TRIM2: variants seen among roughly 807,000 people sequenced by gnomAD.
The protein encoded by TRIM2 is tripartite motif-containing protein 2.
TRIM2 carries 20 observed loss-of-function variants against 75.2 expected under a neutral mutation model. The ratio of observed to expected loss-of-function variants is 0.27; its 90% CI spans 0.19 to 0.39. The LOEUF is 0.39. Ranked by LOEUF, TRIM2 falls within the 10% of genes least tolerant of loss-of-function variation. TRIM2 has a pLI of 1.00. For synonymous variants in TRIM2, 373 were observed against 388.3 expected (o/e 0.96, Z 0.46); for missense variants, 660 against 990.8 (o/e 0.67, Z 4.48).
intron 1 of TRIM2, among the ~76,000 whole-genome samples, chr4:153,226,519 A>C (rs1391431617): frequency 1.3e-5 from 2 of 152,248 alleles, no homozygotes; most frequent in African/African-American, 4.8e-5. Flanking sequence ...TTGAGAGATG[A>C]ATACCCTTTT....
chr4:153,256,289 TACCACCAA>T (rs1189725403), intron 1 of TRIM2, among the ~76,000 whole-genome samples: 1 of 152,206 alleles, frequency 6.6e-6, no homozygotes, highest in East Asian at 1.9e-4. Flanking sequence ...CTCCTCCTAC[TACCACCAA>T]AGGTAATCAC....
At chr4:153,212,305 A>G (rs909803446) in intron 1 of TRIM2, among the ~76,000 whole-genome samples, 1 of 152,186 alleles carries the variant, frequency 6.6e-6, no homozygotes, top group African/African-American at 2.4e-5. Context: ...CAAAAACTGC[A>G]TGTTCTCAGT....
chr4:153,274,892 G>A (rs1757681549), intron 2 of TRIM2, among the ~76,000 whole-genome samples: 1 of 152,186 alleles, frequency 6.6e-6, no homozygotes, highest in African/African-American at 2.4e-5. Flanking sequence ...TCTGGTATTG[G>A]TTCAGGGCTA....
chr4:153,245,227 T>G (rs1199792279), intron 1 of TRIM2, among the ~76,000 whole-genome samples: 1 of 152,286 alleles, frequency 6.6e-6, no homozygotes, highest in African/African-American at 2.4e-5. Flanking sequence ...TGGTAAGTTC[T>G]GTTTACTTAC....
chr4:153,166,514 T>A (rs1414746200), intron 1 of TRIM2, among the ~76,000 whole-genome samples: 3 of 65,322 alleles, frequency 4.6e-5, no homozygotes, highest in Admixed American at 3.9e-4. Context: ...CCTCTTTTCT[T>A]TTCCTTCCTT....
intron 1 of TRIM2, among the ~76,000 whole-genome samples, chr4:153,254,331 G>A (rs941288940): frequency 1.3e-5 from 2 of 152,170 alleles, no homozygotes; most frequent in African/African-American, 2.4e-5. Context: ...CATAGGCACT[G>A]TCTGTATACT....
At chr4:153,234,658 C>T (rs1184462670) in intron 1 of TRIM2, among the ~76,000 whole-genome samples, 6 of 152,186 alleles carry the variant, frequency 3.9e-5, no homozygotes, top group Non-Finnish European at 8.8e-5. Flanking sequence ...GTTACCTACT[C>T]TGTATGGCTG....
At chr4:153,281,117 A>G (rs1003962318) in intron 3 of TRIM2, among the ~76,000 whole-genome samples, 5 of 152,258 alleles carry the variant, frequency 3.3e-5, no homozygotes, top group African/African-American at 1.2e-4. Context: ...AAAAATGTCA[A>G]GCTTCACAGA....
intron 1 of TRIM2, among the ~76,000 whole-genome samples, chr4:153,212,757 G>A (rs1466196132): frequency 1.3e-5 from 2 of 152,168 alleles, no homozygotes; most frequent in East Asian, 3.8e-4. Flanking sequence ...CTTGTTTGTG[G>A]CTTTGGTGGG....
chr4:153,328,679 A>G lies in TRIM2; in HGVS notation c.2163+9A>G, dbSNP rs972988634. 6.2e-7 allele frequency: 1 copy of G among 1,602,286 alleles called. No homozygotes were observed. Among genetic ancestry groups the G allele is most frequent in the Admixed American group, 1.7e-5 (1 of 57,156 alleles). On this transcript the variant is annotated intron_variant, in intron 11 of 11. Coordinates refer to ENST00000338700, the MANE Select transcript of TRIM2 (RefSeq NM_015271.5). ...GAAACAGCAGGATCCAGGTAGATCA[A>G]TGTGCTAATGTATATGGTTAGAGTG... is the stretch of plus-strand genomic sequence containing the variant.
chr4:153,190,206 T>G (rs1018076433), intron 1 of TRIM2, among the ~76,000 whole-genome samples: 5 of 152,228 alleles, frequency 3.3e-5, no homozygotes, highest in African/African-American at 1.2e-4. Context: ...AAGGAAGTAC[T>G]GTAGAGAAGA....
chr4:153,186,086 T>C (rs142324812), intron 1 of TRIM2, among the ~76,000 whole-genome samples: 89 of 152,142 alleles, frequency 5.8e-4, no homozygotes, highest in African/African-American at 2.1e-3. Flanking sequence ...ATCGAGTGGG[T>C]AGAGGCCAGG....
At chr4:153,243,822 C>CTT (rs1267707786) in intron 1 of TRIM2, among the ~76,000 whole-genome samples, 5 of 125,606 alleles carry the variant, frequency 4.0e-5, no homozygotes, top group African/African-American at 1.5e-4. Flanking sequence ...TTTTTTTCCC[C>CTT]CCCCCCTTGA....
chr4:153,225,021 GCAGTTACT>G (rs1382609232), intron 1 of TRIM2, among the ~76,000 whole-genome samples: 2 of 152,170 alleles, frequency 1.3e-5, no homozygotes, highest in African/African-American at 2.4e-5. Flanking sequence ...TTTCTGAGCA[GCAGTTACT>G]CACTACCTCT....
chr4:153,297,190 C>T (rs534344076), intron 6 of TRIM2, among the ~76,000 whole-genome samples: 2 of 152,222 alleles, frequency 1.3e-5, no homozygotes, highest in South Asian at 4.2e-4. Flanking sequence ...GCTGAATCTT[C>T]GCAAAGACGG....
At chr4:153,191,188 A>G (rs1405750375) in intron 1 of TRIM2, among the ~76,000 whole-genome samples, 2 of 152,246 alleles carry the variant, frequency 1.3e-5, no homozygotes, top group African/African-American at 4.8e-5. Context: ...AGCAGCAGGA[A>G]GGATTGGTTC....
chr4:153,189,073 A>G (rs1257230943), intron 1 of TRIM2, among the ~76,000 whole-genome samples: 1 of 151,862 alleles, frequency 6.6e-6, no homozygotes, highest in Non-Finnish European at 1.5e-5. Context: ...CTGTTCTCGA[A>G]CTCCTGGGCT....
In TRIM2 at chr4:153,302,627, C is replaced by T. The variant is rs1454162986; in HGVS notation, c.1510+6591C>T. ...AGACATGATTGTTATTTTGGAGACA[C>T]ATCCCATATAGTGTGAAAAGGTCAA... On this transcript the variant is annotated intron_variant, in intron 6 of 11. Transcript: ENST00000338700. 2.6e-5 allele frequency among the ~76,000 whole-genome samples: 4 copies of T among 152,190 alleles called. No homozygotes were observed. The East Asian group carries it at 7.7e-4, about 29-fold the overall frequency.
rs767633857 is a variant in TRIM2 at position 153,295,404 on chromosome 4, C to T, written c.878C>T (p.Thr293Met). The T allele has an allele frequency of 3.1e-6, 5 of 1,614,072 alleles. No homozygotes were observed. Among genetic ancestry groups the T allele is most frequent in the East Asian group, 4.5e-5 (2 of 44,860 alleles). Residue 293 changes from threonine (T) to methionine (M), a missense_variant, in exon 6 of 12, where the codon ACG becomes ATG. This residue lies in a region of TRIM2 where 620 missense variants were observed against 891.0 expected (regional missense o/e 0.70). Transcript: ENST00000338700. The surrounding 1 kb of genome is among the most constrained non-coding windows in gnomAD (Gnocchi z 7.2). ...ACAGCGCAGGCCCTCAACCATGGCA[C>T]GGAGACCGAGGTCCTACTGGTGAAG... ...NFTAQALNHG[T>M]ETEVLLVKKQ...
Sources: allele counts gnomAD v4.1 joint callset (sites outside exome capture counted in the v4.1 genomes callset), GRCh38; gene constraint gnomAD v4.1.1; regional missense constraint gnomAD v4.1.1; non-coding constraint Gnocchi (gnomAD v3.1); transcripts MANE v1.5; gene names NCBI Gene and HGNC (gene_info 2026-07-23, HGNC 2026-07-21).